Variants in CSMD2 observed in about 807,000 individuals in gnomAD.
CSMD2 encodes the protein CUB and Sushi multiple domains 2, also known as CUB and sushi domain-containing protein 2.
In CSMD2, 130 loss-of-function variants were observed where a neutral mutation model predicts 398.5. The ratio of observed to expected loss-of-function variants is 0.33; its 90% CI spans 0.28 to 0.38. CSMD2 has a LOEUF of 0.38. CSMD2 is among the 10% of genes least tolerant of loss of function. CSMD2 has a pLI of 1.00. For synonymous variants in CSMD2, 1,828 were observed against 1,908.5 expected (o/e 0.96, Z 1.10); for missense variants, 3,829 against 4,764.9 (o/e 0.80, Z 5.78).
rs1252742083 is a variant in CSMD2, at chr1:33,632,725, C to T, written c.5200+697G>A. ...CTTAAAGATCTCACATATCCTTTAA[C>T]TTGACAATTCCACTTCTAGATATTC... On this transcript the variant is annotated intron_variant, in intron 32 of 70. Coordinates refer to ENST00000373381, the MANE Select transcript of CSMD2 (RefSeq NM_001281956.2). Among the ~76,000 whole-genome samples, 3 of 152,084 alleles carry T rather than the reference C, an allele frequency of 2.0e-5. No homozygotes were observed. In the East Asian group the frequency reaches 5.8e-4, roughly 29 times the overall value.
At chr1:33,596,924 G>C (rs762722064) in intron 44 of CSMD2, among the ~76,000 whole-genome samples, 2 of 152,128 alleles carry the variant, frequency 1.3e-5, no homozygotes, top group Admixed American at 6.6e-5. Flanking sequence ...TTATCTCTTG[G>C]CCAGATCTTT....
intron 10 of CSMD2, among the ~76,000 whole-genome samples, chr1:33,797,893 A>G (rs1655134158): frequency 6.6e-6 from 1 of 152,130 alleles, no homozygotes; most frequent in Non-Finnish European, 1.5e-5. Flanking sequence ...ATGGGAAAAT[A>G]TTGCTTTGAA....
intron 12 of CSMD2, among the ~76,000 whole-genome samples, chr1:33,779,742 C>T (rs1652465383): frequency 6.6e-6 from 1 of 152,228 alleles, no homozygotes; most frequent in Admixed American, 6.5e-5. Context: ...TTGGACATTT[C>T]TGTTGTTATA....
intron 11 of CSMD2, among the ~76,000 whole-genome samples, chr1:33,790,842 T>TATCTATCA (rs1553207629): frequency 2.0e-5 from 3 of 149,090 alleles, no homozygotes; most frequent in East Asian, 2.0e-4. Context: ...TCTATCTATC[T>TATCTATCA]ATCATCTATC....
rs774374267 is a variant in CSMD2 at position 33,587,124 on chromosome 1, C to T, written c.6901G>A (p.Ala2301Thr). The T allele has an allele frequency of 3.7e-6, 6 of 1,610,188 alleles. No homozygotes were observed. The highest frequency in any genetic ancestry group is 2.2e-5 in the South Asian group (2 of 89,612). Reference protein sequence around the residue: ...KCPPPTILPNAEVVTENEEFN... With the variant: ...KCPPPTILPNTEVVTENEEFN... Reference sequence around the variant, plus strand: ...TCTTCATTCTCTGTGACGACTTCGGCGTTGGGGAGGATGGTGGGAGGAGGG... The same window carrying T: ...TCTTCATTCTCTGTGACGACTTCGGTGTTGGGGAGGATGGTGGGAGGAGGG... The change falls in exon 45 of 71, where the codon GCC becomes ACC. Residue 2301 changes from alanine (A) to threonine (T), a missense_variant. Ala to Thr is a moderately conservative substitution (Grantham distance 58). Around this residue, in one of 5 missense-constraint regions of CSMD2, gnomAD observed 723 missense variants for 758.6 expected, o/e 0.95. Coordinates refer to ENST00000373381, the MANE Select transcript of CSMD2 (RefSeq NM_001281956.2).
intron 21 of CSMD2, among the ~76,000 whole-genome samples, chr1:33,711,222 A>G (rs1040577131): frequency 6.6e-6 from 1 of 152,182 alleles, no homozygotes; most frequent in African/African-American, 2.4e-5. Context: ...AGGGCCATGC[A>G]TATGTAAACA....
At chr1:33,690,985 G>C (rs558445105) in intron 25 of CSMD2, among the ~76,000 whole-genome samples, 95 of 152,334 alleles carry the variant, frequency 6.2e-4, no homozygotes, top group Middle Eastern at 3.4e-3. Flanking sequence ...CGCAAGAGAG[G>C]GGGTGAGGGA....
At chr1:34,010,827 C>A (rs560128333) in intron 3 of CSMD2, among the ~76,000 whole-genome samples, 147 of 152,210 alleles carry the variant, frequency 9.7e-4, no homozygotes, top group Non-Finnish European at 1.6e-3. Flanking sequence ...ACCGTGTTAG[C>A]CTCGGTGAAG....
At chr1:34,113,277 G>A (rs1215613178) in intron 1 of CSMD2, among the ~76,000 whole-genome samples, 4 of 152,172 alleles carry the variant, frequency 2.6e-5, no homozygotes, top group Admixed American at 6.5e-5. Flanking sequence ...GTCTTAAAAC[G>A]CATGAGTTGA....
At chr1:33,640,471 A>G (rs1441931471) in intron 29 of CSMD2, among the ~76,000 whole-genome samples, 1 of 152,208 alleles carries the variant, frequency 6.6e-6, no homozygotes, top group East Asian at 1.9e-4. Context: ...TTGTAAATAA[A>G]GTTTTACTGG....
At position 33,605,314 on chromosome 1, in the gene CSMD2, C is replaced by T. The variant is rs1020168867; in HGVS notation, c.6500G>A (p.Arg2167Gln). 4.3e-6 allele frequency: 7 copies of T among 1,614,098 alleles called. No homozygotes were observed. Among genetic ancestry groups the T allele is most frequent in the East Asian group, 2.2e-5 (1 of 44,882 alleles). Residue 2167 changes from arginine to glutamine, a missense_variant, in exon 42 of 71, where the codon CGG becomes CAG. Physicochemically the swap from Arg to Gln is conservative, Grantham distance 43. This residue lies in a region of CSMD2 where 723 missense variants were observed against 758.6 expected (regional missense o/e 0.95). Transcript: ENST00000373381. ...CTTGGGCAGGGGGTGGTCCCAGTTCCGGTTGGTGCCATGTTGACACGTGAG... is the reference window on the plus strand; with the variant it reads ...CTTGGGCAGGGGGTGGTCCCAGTTCTGGTTGGTGCCATGTTGACACGTGAG... ...PVLTCQHGTN[R>Q]NWDHPLPKCE...
intron 60 of CSMD2, among the ~76,000 whole-genome samples, chr1:33,538,171 T>C (rs1275443414): frequency 6.6e-6 from 1 of 152,252 alleles, no homozygotes; most frequent in East Asian, 1.9e-4. Context: ...TTCTTTCACC[T>C]GTTTTGTTTT....
At chr1:33,616,792 TC>T in intron 39 of CSMD2, 113 bp downstream of exon 39, 1 of 772,092 alleles carries the variant, frequency 1.3e-6, no homozygotes, top group Non-Finnish European at 2.2e-6. Flanking sequence ...TTGGAACAAA[TC>T]CAGAATATCA....
At chr1:33,678,978 C>G (rs956692626) in intron 25 of CSMD2, among the ~76,000 whole-genome samples, 4 of 152,124 alleles carry the variant, frequency 2.6e-5, no homozygotes, top group Non-Finnish European at 5.9e-5. Flanking sequence ...CTTGTGCTTC[C>G]CTCTAACGTG....
intron 13 of CSMD2, among the ~76,000 whole-genome samples, chr1:33,765,295 G>T (rs1259620393): frequency 6.6e-6 from 1 of 152,186 alleles, no homozygotes; most frequent in East Asian, 1.9e-4. Flanking sequence ...GGAGGAAGGA[G>T]TTGTTTCTAG....
intron 1 of CSMD2, among the ~76,000 whole-genome samples, chr1:34,134,775 C>A (rs545798091): frequency 5.9e-5 from 9 of 152,204 alleles, no homozygotes; most frequent in African/African-American, 1.9e-4. Flanking sequence ...GGTGCATAAA[C>A]AGATAGTTTT....
intron 62 of CSMD2, 138 bp downstream of exon 62, chr1:33,536,884 G>C (rs1475970026): frequency 1.3e-6 from 1 of 758,666 alleles, no homozygotes; most frequent in South Asian, 1.7e-5. Flanking sequence ...CAAAGAGGCA[G>C]AGGGCTTTCT....
At chr1:33,970,497 C>T (rs1439989889) in intron 3 of CSMD2, among the ~76,000 whole-genome samples, 2 of 152,222 alleles carry the variant, frequency 1.3e-5, no homozygotes, top group African/African-American at 2.4e-5. Context: ...CAGGCCTGGG[C>T]ACCCAGGAGC....
chr1:33,594,765 T>C (rs1397051744), intron 44 of CSMD2, among the ~76,000 whole-genome samples: 1 of 152,224 alleles, frequency 6.6e-6, no homozygotes, highest in African/African-American at 2.4e-5. Context: ...GTGTTGCTTC[T>C]GCTCTCGCTG....
Sources: allele counts gnomAD v4.1 joint callset (sites outside exome capture counted in the v4.1 genomes callset), GRCh38; gene constraint gnomAD v4.1.1; regional missense constraint gnomAD v4.1.1; transcripts MANE v1.5; gene names NCBI Gene and HGNC (gene_info 2026-07-23, HGNC 2026-07-21).